Variants in SUSD1 observed in about 807,000 individuals in gnomAD.
SUSD1 encodes sushi domain-containing protein 1.
SUSD1 carries 65 observed loss-of-function variants against 86.9 expected under a neutral mutation model. The observed-to-expected ratio is 0.75, with a 90% CI of 0.61 to 0.92. SUSD1 has a LOEUF of 0.92. SUSD1 is among the 40% of genes least tolerant of loss of function. SUSD1 has a pLI of 0.00. For missense variants in SUSD1, 850 were observed against 929.7 expected (o/e 0.91, Z 1.11); for synonymous variants, 346 against 350.0 (o/e 0.99, Z 0.13).
At chr9:112,111,020 G>T (rs1165302941) in intron 8 of SUSD1, among the ~76,000 whole-genome samples, 8 of 151,788 alleles carry the variant, frequency 5.3e-5, no homozygotes, top group African/African-American at 1.7e-4. Flanking sequence ...ACAGAGTCTT[G>T]CCCTGTTGCC....
rs1373069829 is a variant in SUSD1 at position 112,175,160 on chromosome 9, C to G, written c.76G>C (p.Gly26Arg). 1.8e-6 allele frequency: 2 copies of G among 1,095,908 alleles called. No homozygotes were observed. Among genetic ancestry groups the G allele is most frequent in the Non-Finnish European group, 2.2e-6 (2 of 903,620 alleles). 67.9% of individuals were successfully genotyped at this position (1,095,908 alleles called of 1,614,324 possible). A position where few individuals can be genotyped will look rare whatever the true frequency, so the allele number is the denominator to read the frequency against. ...PLLLLLGLAR[G>R]AAGAPGPDGL... ...TCGGGGCCCGGCGCTCCCGCGGCGC[C>G]GCGGGCCAGGCCGAGCAGCAGCAAC... Residue 26 changes from glycine to arginine, a missense_variant, in exon 1 of 17, where the codon GGC becomes CGC. Transcript: ENST00000374270. The surrounding 1 kb of genome is among the most constrained non-coding windows in gnomAD (Gnocchi z 4.7).
intron 5 of SUSD1, among the ~76,000 whole-genome samples, chr9:112,136,148 T>C (rs1832253334): frequency 6.6e-6 from 1 of 152,218 alleles, no homozygotes; most frequent in Non-Finnish European, 1.5e-5. Flanking sequence ...GGTAAGTCAA[T>C]GCAGTTTTTA....
chr9:112,170,710 T>TAGAGAGAG (rs1554778939), intron 1 of SUSD1, among the ~76,000 whole-genome samples: 103 of 113,818 alleles, frequency 9.0e-4, no homozygotes, highest in African/African-American at 3.1e-3. Context: ...TATATATATA[T>TAGAGAGAG]AGAGAGAGAG....
intron 5 of SUSD1, among the ~76,000 whole-genome samples, chr9:112,134,536 T>A (rs1468982063): frequency 6.6e-6 from 1 of 151,964 alleles, no homozygotes; most frequent in African/African-American, 2.4e-5. Flanking sequence ...TTCTCACATA[T>A]AAGTGGGAGC....
At chr9:112,161,858 C>G (rs1258938231) in intron 1 of SUSD1, among the ~76,000 whole-genome samples, 12 of 151,724 alleles carry the variant, frequency 7.9e-5, no homozygotes, top group Admixed American at 7.2e-4. Context: ...TATTAAATAC[C>G]CTAAATCTTG....
intron 10 of SUSD1, among the ~76,000 whole-genome samples, chr9:112,090,886 G>A (rs1255136595): frequency 1.3e-5 from 2 of 152,056 alleles, no homozygotes; most frequent in African/African-American, 2.4e-5. Flanking sequence ...GTGTCTATAC[G>A]CATGATTAGA....
chr9:112,152,836 C>A (rs527642081), intron 2 of SUSD1, among the ~76,000 whole-genome samples: 44 of 144,558 alleles, frequency 3.0e-4, no homozygotes, highest in Non-Finnish European at 4.8e-4. Context: ...CTCACTGCAG[C>A]CTCAACCTCC....
chr9:112,060,131 C>T (rs1370060153), intron 13 of SUSD1, among the ~76,000 whole-genome samples: 1 of 152,150 alleles, frequency 6.6e-6, no homozygotes, highest in Non-Finnish European at 1.5e-5. Flanking sequence ...CTATCTCCTG[C>T]TTCCTAAGAG....
intron 8 of SUSD1, among the ~76,000 whole-genome samples, chr9:112,108,363 C>G (rs1436378672): frequency 6.6e-6 from 1 of 152,022 alleles, no homozygotes; most frequent in South Asian, 2.1e-4. Flanking sequence ...TGAAAATAAG[C>G]TGAATTTTGT....
At chr9:112,127,928 G>A (rs575281484) in intron 5 of SUSD1, among the ~76,000 whole-genome samples, 23 of 150,320 alleles carry the variant, frequency 1.5e-4, no homozygotes, top group East Asian at 5.9e-4. Flanking sequence ...TCTGCCTCCC[G>A]AGGAGCTGGG....
chr9:112,078,813 T>TA, intron 11 of SUSD1, 89 bp from the exon 12 acceptor site: 1 of 501,992 alleles, frequency 2.0e-6, no homozygotes, highest in Non-Finnish European at 2.8e-6. Flanking sequence ...TTCTTTCTCT[T>TA]TTTTTTTTTT....
Position 112,171,256 on chromosome 9 carries a change from C to T in SUSD1, c.103+3877G>A, listed in dbSNP as rs1398571270. On this transcript the variant is annotated intron_variant, in intron 1 of 16. Transcript: ENST00000374270. ...CTGAACCACCACCACCCCCAACCCC[C>T]TTCCTTTTTCTACTGTAAAACTTTT... is the stretch of plus-strand genomic sequence containing the variant. 4.6e-5 allele frequency among the ~76,000 whole-genome samples: 7 copies of T among 152,198 alleles called. No individual in the cohort carries two copies. In the East Asian group the frequency reaches 9.6e-4, roughly 21 times the overall value.
intron 10 of SUSD1, among the ~76,000 whole-genome samples, chr9:112,097,734 C>A (rs1037480722): frequency 6.6e-6 from 1 of 152,030 alleles, no homozygotes; most frequent in Non-Finnish European, 1.5e-5. Context: ...AACTGCCCAC[C>A]CTGACCCACA....
At chr9:112,169,289 T>TG (rs1833941981) in intron 1 of SUSD1, 1 of 152,126 alleles carries the variant, frequency 6.6e-6, no homozygotes, top group Non-Finnish European at 1.5e-5. Flanking sequence ...TCAGTTGGGC[T>TG]GGTCCAAAGG....
At chr9:112,041,695 C>T (rs1386642362) in intron 16 of SUSD1, among the ~76,000 whole-genome samples, 172 bp downstream of exon 16, 1 of 152,164 alleles carries the variant, frequency 6.6e-6, no homozygotes, top group Non-Finnish European at 1.5e-5. Flanking sequence ...CCCCATGCTA[C>T]CTGGAGGTAC....
intron 6 of SUSD1, among the ~76,000 whole-genome samples, chr9:112,121,302 C>T (rs1009513990): frequency 6.6e-6 from 1 of 152,152 alleles, no homozygotes; most frequent in African/African-American, 2.4e-5. Flanking sequence ...ATAGGAATTG[C>T]ATGGCACATA....
Position 112,133,683 on chromosome 9 carries a change from A to G in SUSD1, c.706+8637T>C, listed in dbSNP as rs542708779. On this transcript the variant is annotated intron_variant, in intron 5 of 16. Transcript: ENST00000374270. ...GAAATAGTTTTTTATTAAGCCCTCA[A>G]TAGCAATTGCAACAAAAACAAAAGT... Among the ~76,000 whole-genome samples the G allele has an allele frequency of 1.1e-4, 16 of 152,356 alleles. No homozygotes were observed. In the South Asian group the frequency reaches 3.3e-3, roughly 32 times the overall value.
intron 5 of SUSD1, among the ~76,000 whole-genome samples, chr9:112,134,318 G>A (rs1832163562): frequency 6.6e-6 from 1 of 152,180 alleles, no homozygotes. Context: ...CAACCTAGAT[G>A]CCCATCAGTG....
At chr9:112,060,390 T>C (rs914646032) in intron 13 of SUSD1, among the ~76,000 whole-genome samples, 9 of 152,232 alleles carry the variant, frequency 5.9e-5, no homozygotes, top group African/African-American at 2.2e-4. Context: ...GCCTCCTGAG[T>C]AGCCAAGACT....
Sources: allele counts gnomAD v4.1 joint callset (sites outside exome capture counted in the v4.1 genomes callset), GRCh38; gene constraint gnomAD v4.1.1; non-coding constraint Gnocchi (gnomAD v3.1); transcripts MANE v1.5; gene names NCBI Gene and HGNC (gene_info 2026-07-23, HGNC 2026-07-21).